The following ADAM12 variants were observed in gnomAD, a reference collection of about 807,000 sequenced individuals.
The protein encoded by ADAM12 is ADAM metallopeptidase domain 12, also known as disintegrin and metalloproteinase domain-containing protein 12.
Under a neutral mutation model 106.4 loss-of-function variants are expected in ADAM12, and 70 were observed. The ratio of observed to expected loss-of-function variants is 0.66; its 90% CI spans 0.54 to 0.80. The LOEUF is 0.80. ADAM12 is among the 30% of genes least tolerant of loss of function. ADAM12 has a pLI of 0.00. For missense variants in ADAM12, 1,010 were observed against 1,171.9 expected, an observed-to-expected ratio of 0.86 and a Z score of 2.02; for synonymous variants, 420 against 433.5, an observed-to-expected ratio of 0.97 and a Z score of 0.39.
At chr10:126,221,186 C>T (rs1958084713) in intron 3 of ADAM12, among the ~76,000 whole-genome samples, 1 of 152,054 alleles carries the variant, frequency 6.6e-6, no homozygotes, top group Non-Finnish European at 1.5e-5. Context: ...GAGTTCGAGA[C>T]CAGCCTGGCC....
chr10:126,350,929 GC>G lies in ADAM12; in HGVS notation c.89-20421del, dbSNP rs1196457446. 3.3e-5 allele frequency among the ~76,000 whole-genome samples: 5 copies of G among 152,266 alleles called. No individual in the cohort carries two copies. The East Asian group carries it at 7.8e-4, about 24-fold the overall frequency. ...AACTGCTGCCGACCCCCGGAGCCCTGCCCCTTCCCCTGTCCAGGCTCTCCTG... is the reference window on the plus strand; with the variant it reads ...AACTGCTGCCGACCCCCGGAGCCCTGCCCTTCCCCTGTCCAGGCTCTCCTG... On this transcript the variant is annotated intron_variant, in intron 1 of 22. Coordinates refer to ENST00000448723, the MANE Select transcript of ADAM12 (RefSeq NM_001288973.2).
At chr10:126,384,877 A>T (rs906851188) in intron 1 of ADAM12, among the ~76,000 whole-genome samples, 1 of 152,214 alleles carries the variant, frequency 6.6e-6, no homozygotes, top group African/African-American at 2.4e-5. Flanking sequence ...AGAAAGCATC[A>T]GATCACACAG....
At position 126,388,333 on chromosome 10, in the gene ADAM12, T is replaced by A. The variant is rs1856755642; in HGVS notation, c.-188A>T. 7 of 949,436 alleles carry A rather than the reference T, an allele frequency of 7.4e-6. No homozygotes were observed. The highest frequency in any genetic ancestry group is 9.4e-6 in the Non-Finnish European group (7 of 747,224). 58.8% of individuals were successfully genotyped at this position (949,436 alleles called of 1,614,324 possible). A position where few individuals can be genotyped will look rare whatever the true frequency, so the allele number is the denominator to read the frequency against. On this transcript the variant is annotated 5_prime_UTR_variant, in exon 1 of 23. Transcript: ENST00000448723. This position sits in a 1 kb window ranked among gnomAD's most constrained non-coding sequence, Gnocchi z 4.4. ...TTCTAGCCTTTCATTTTTAAAAAAG[T>A]TTCCCCCCGTGTGTGTGCGTGCGTG...
intron 3 of ADAM12, among the ~76,000 whole-genome samples, chr10:126,175,601 A>G (rs1957206094): frequency 6.6e-6 from 1 of 152,212 alleles, no homozygotes; most frequent in South Asian, 2.1e-4. Context: ...AAAACAATCG[A>G]GGAATGGTAC....
intron 3 of ADAM12, among the ~76,000 whole-genome samples, chr10:126,193,894 GAAATAAAATGAAATA>G (rs1957548764): frequency 8.0e-6 from 1 of 124,536 alleles, no homozygotes; most frequent in East Asian, 2.4e-4. Context: ...TCTGTCTCAT[GAAATAAAATGAAATA>G]AAATAAAATA....
At chr10:126,037,748 AG>A (rs1304689960) in intron 20 of ADAM12, among the ~76,000 whole-genome samples, 1 of 152,218 alleles carries the variant, frequency 6.6e-6, no homozygotes, top group African/African-American at 2.4e-5. Context: ...CAGGGTGGAC[AG>A]GGCTTCCTCA....
At chr10:126,076,182 T>C (rs974100932) in intron 11 of ADAM12, among the ~76,000 whole-genome samples, 25 of 152,340 alleles carry the variant, frequency 1.6e-4, no homozygotes, top group African/African-American at 5.8e-4. Flanking sequence ...ACGTGGTATT[T>C]GACTTGCTAT....
At chr10:126,256,056 G>C (rs1958886436) in intron 3 of ADAM12, among the ~76,000 whole-genome samples, 1 of 152,148 alleles carries the variant, frequency 6.6e-6, no homozygotes, top group Non-Finnish European at 1.5e-5. Context: ...CCACGGTGGT[G>C]CTCAACCCTG....
intron 4 of ADAM12, chr10:126,145,665 A>G (rs1310639189): frequency 1.3e-5 from 2 of 152,296 alleles, no homozygotes; most frequent in South Asian, 2.1e-4. Context: ...TAGCCCCTCA[A>G]TGTCTCAGTA....
intron 1 of ADAM12, among the ~76,000 whole-genome samples, chr10:126,353,459 C>T (rs1021675899): frequency 6.6e-6 from 1 of 152,184 alleles, no homozygotes; most frequent in Non-Finnish European, 1.5e-5. Flanking sequence ...ACACAGGCTA[C>T]TAGGCACAAA....
chr10:126,125,649 AG>A (rs1956193879), intron 5 of ADAM12, among the ~76,000 whole-genome samples: 2 of 151,938 alleles, frequency 1.3e-5, no homozygotes, highest in Admixed American at 1.3e-4. Context: ...AGGTCACTGC[AG>A]GGGGTTGAAT....
chr10:126,260,169 CTT>C (rs1173046361), intron 3 of ADAM12, among the ~76,000 whole-genome samples: 2 of 152,218 alleles, frequency 1.3e-5, no homozygotes, highest in Non-Finnish European at 2.9e-5. Flanking sequence ...GCCAAGTAGT[CTT>C]CACTTGGTTC....
intron 1 of ADAM12, among the ~76,000 whole-genome samples, chr10:126,382,443 C>T (rs573764980): frequency 1.3e-5 from 2 of 152,342 alleles, no homozygotes; most frequent in South Asian, 2.1e-4. Flanking sequence ...GCATACTTAA[C>T]GGCAACACTA....
chr10:126,363,409 C>A (rs1855804491), intron 1 of ADAM12, among the ~76,000 whole-genome samples: 1 of 152,126 alleles, frequency 6.6e-6, no homozygotes, highest in Non-Finnish European at 1.5e-5. Flanking sequence ...ATAAAAGAAA[C>A]TTTAGGATTA....
chr10:126,107,491 AAAAC>A (rs1486383562), intron 8 of ADAM12, among the ~76,000 whole-genome samples: 4 of 152,168 alleles, frequency 2.6e-5, no homozygotes, highest in Non-Finnish European at 2.9e-5. Flanking sequence ...CATTTTTCTG[AAAAC>A]TTAGAGAATG....
rs144794207 is a variant in ADAM12, at chr10:126,170,047, G to A, written c.261-14742C>T. ...CCTGTTTCCTTTACCCACCCAGCTC[G>A]GTGAAGAACTTGTATTAATTGGTGC... is the stretch of plus-strand genomic sequence containing the variant. On this transcript the variant is annotated intron_variant, in intron 3 of 22. Transcript: ENST00000448723. Among the ~76,000 whole-genome samples, 47 of 152,308 alleles carry A rather than the reference G, an allele frequency of 3.1e-4. 1 individual carries two copies. Among genetic ancestry groups the A allele is most frequent in the Admixed American group, 1.7e-3 (26 of 15,298 alleles).
intron 3 of ADAM12, among the ~76,000 whole-genome samples, chr10:126,222,923 G>C (rs889635616): frequency 1.6e-4 from 25 of 152,244 alleles, no homozygotes; most frequent in African/African-American, 6.0e-4. Context: ...AATTAGACTT[G>C]CAATAGAAAA....
intron 3 of ADAM12, among the ~76,000 whole-genome samples, chr10:126,273,999 T>TGTTCCTTTCTGGAAG (rs1425381884): frequency 6.6e-6 from 1 of 152,172 alleles, no homozygotes; most frequent in Non-Finnish European, 1.5e-5. Flanking sequence ...CCAAATCCTG[T>TGTTCCTTTCTGGAAG]GTTCCTTTCT....
At chr10:126,308,786 A>G (rs541662516) in intron 2 of ADAM12, among the ~76,000 whole-genome samples, 1 of 152,350 alleles carries the variant, frequency 6.6e-6, no homozygotes, top group Admixed American at 6.5e-5. Context: ...AGGCATTATC[A>G]TCTCATAGTT....
Sources: gnomAD v4.1 joint callset for allele counts (sites outside exome capture counted in the v4.1 genomes callset) on GRCh38, gnomAD v4.1.1 for gene constraint, Gnocchi (gnomAD v3.1) non-coding constraint, MANE v1.5 for transcripts, NCBI Gene and HGNC (gene_info 2026-07-23, HGNC 2026-07-21) for gene names.